PSD3: variants seen among roughly 807,000 people sequenced by gnomAD.
The protein encoded by PSD3 is pleckstrin and Sec7 domain containing 3.
Under a neutral mutation model 105.5 loss-of-function variants are expected in PSD3, and 49 were observed. The observed-to-expected ratio is 0.46, with a 90% CI of 0.37 to 0.59. The LOEUF (loss-of-function observed/expected upper bound fraction) is 0.59, where lower values mean the gene tolerates loss of function less well. Among genes scored for constraint, PSD3 ranks in the 20% least tolerant of loss-of-function variants. PSD3 has a pLI of 0.00. For synonymous variants in PSD3, 557 were observed against 457.8 expected (o/e 1.22, Z -2.77); for missense variants, 1,561 against 1,263.8 (o/e 1.24, Z -3.57).
chr8:18,808,957 G>C, intron 4 of PSD3: 1 of 1,426,788 alleles, frequency 7.0e-7, no homozygotes, highest in Non-Finnish European at 9.2e-7. Context: ...CATTGTTGCG[G>C]TTTCTGTAAT....
intron 2 of PSD3, among the ~76,000 whole-genome samples, chr8:18,882,285 C>G (rs1031280866): frequency 6.6e-6 from 1 of 152,146 alleles, no homozygotes; most frequent in African/African-American, 2.4e-5. Context: ...AAGCAAAACA[C>G]TATATGTTAG....
intron 12 of PSD3, among the ~76,000 whole-genome samples, chr8:18,596,301 G>T (rs955392528): frequency 6.6e-6 from 1 of 151,928 alleles, no homozygotes; most frequent in African/African-American, 2.4e-5. Context: ...CATTAGAAAA[G>T]AAGAAAGATT....
In PSD3 at chr8:18,683,724, G is replaced by A. The variant is rs567258184; in HGVS notation, c.2173-28039C>T. On this transcript the variant is annotated intron_variant, in intron 9 of 15. Transcript: ENST00000327040. ...ACACTGCCAAAGACTATCCAATTCT[G>A]TTGCCCTGCCACACAGCTGTCAATA... 142 of 750,972 alleles carry A rather than the reference G, an allele frequency of 1.9e-4. No individual in the cohort carries two copies. The East Asian group carries it at 3.4e-3, about 18-fold the overall frequency. 46.5% of individuals were successfully genotyped at this position (750,972 alleles called of 1,614,324 possible). A position where few individuals can be genotyped will look rare whatever the true frequency, so the allele number is the denominator to read the frequency against.
chr8:18,638,474 T>C (rs1190987150), intron 10 of PSD3, among the ~76,000 whole-genome samples: 5 of 151,616 alleles, frequency 3.3e-5, no homozygotes. Flanking sequence ...AAAAAATGAG[T>C]AGCATTTTTG....
intron 4 of PSD3, among the ~76,000 whole-genome samples, chr8:18,848,128 A>G (rs1189700167): frequency 8.9e-6 from 1 of 112,096 alleles, no homozygotes; most frequent in Non-Finnish European, 1.9e-5. Context: ...AGCTTTCGAG[A>G]GTTAAAAAAA....
chr8:18,601,051 G>C (rs1375675065), intron 11 of PSD3, among the ~76,000 whole-genome samples: 1 of 152,138 alleles, frequency 6.6e-6, no homozygotes, highest in Non-Finnish European at 1.5e-5. Flanking sequence ...TGTATGACTT[G>C]ACAGGAGGTA....
intron 1 of PSD3, among the ~76,000 whole-genome samples, chr8:19,029,102 TA>T (rs1405563285): frequency 6.6e-6 from 1 of 152,218 alleles, no homozygotes. Flanking sequence ...GTAAGTATTC[TA>T]AATTTGTTCT....
At chr8:19,059,962 T>C (rs1203243995) in intron 1 of PSD3, among the ~76,000 whole-genome samples, 1 of 152,212 alleles carries the variant, frequency 6.6e-6, no homozygotes, top group African/African-American at 2.4e-5. Context: ...AATCAATGGA[T>C]GAGCAAGCCT....
intron 14 of PSD3, among the ~76,000 whole-genome samples, chr8:18,561,592 G>C (rs193299228): frequency 2.6e-5 from 4 of 152,084 alleles, no homozygotes; most frequent in Admixed American, 2.0e-4. Flanking sequence ...CTTGCTCAAA[G>C]AATAGAATTT....
chr8:18,827,601 G>C (rs1050367873), intron 4 of PSD3, among the ~76,000 whole-genome samples: 3 of 152,188 alleles, frequency 2.0e-5, no homozygotes, highest in Non-Finnish European at 4.4e-5. Flanking sequence ...AGCAGTATCT[G>C]GCAAGTAAGT....
At chr8:18,772,157 T>A (rs1807599569) in intron 8 of PSD3, among the ~76,000 whole-genome samples, 1 of 152,190 alleles carries the variant, frequency 6.6e-6, no homozygotes, top group Admixed American at 6.5e-5. Context: ...TGCTTCTACT[T>A]CTTGGTTAAT....
chr8:19,009,752 G>A (rs1321495973), intron 1 of PSD3, among the ~76,000 whole-genome samples: 4 of 152,194 alleles, frequency 2.6e-5, no homozygotes, highest in South Asian at 2.1e-4. Flanking sequence ...TAAGCTGGGC[G>A]CAGTGGCGTG....
At chr8:18,705,484 C>T (rs571685206) in intron 9 of PSD3, among the ~76,000 whole-genome samples, 2 of 137,404 alleles carry the variant, frequency 1.5e-5, no homozygotes, top group Admixed American at 1.6e-4. Flanking sequence ...TGAGCTGAGA[C>T]CGTGCCACTA....
At chr8:18,947,482 G>C (rs1451909872) in intron 1 of PSD3, among the ~76,000 whole-genome samples, 1 of 152,140 alleles carries the variant, frequency 6.6e-6, no homozygotes, top group Non-Finnish European at 1.5e-5. Context: ...CAGTGTGAAA[G>C]ACGCTCCCCT....
At chr8:18,899,030 T>C (rs1159145827) in intron 2 of PSD3, among the ~76,000 whole-genome samples, 1 of 152,168 alleles carries the variant, frequency 6.6e-6, no homozygotes, top group African/African-American at 2.4e-5. Context: ...GCCCATATGA[T>C]AGAAGGGTCA....
chr8:18,666,695 G>C (rs1005327943), intron 9 of PSD3, among the ~76,000 whole-genome samples: 1 of 149,638 alleles, frequency 6.7e-6, no homozygotes, highest in Admixed American at 7.0e-5. Flanking sequence ...TCAACCAAGT[G>C]GGAATGTAGC....
At chr8:18,608,598 T>C (rs910574780) in intron 11 of PSD3, among the ~76,000 whole-genome samples, 1 of 152,220 alleles carries the variant, frequency 6.6e-6, no homozygotes, top group African/African-American at 2.4e-5. Flanking sequence ...AAATATAAAG[T>C]ACAGTGAATA....
At chr8:18,966,451 A>T (rs1331972343) in intron 1 of PSD3, among the ~76,000 whole-genome samples, 4 of 152,010 alleles carry the variant, frequency 2.6e-5, no homozygotes, top group Admixed American at 1.3e-4. Context: ...CACGCCTGTA[A>T]TCCCAACTAC....
intron 1 of PSD3, among the ~76,000 whole-genome samples, chr8:19,058,345 CA>C (rs1828778702): frequency 6.6e-6 from 1 of 150,978 alleles, no homozygotes. Flanking sequence ...GGTGATATAA[CA>C]GTTCTGTTTC....
Sources: allele counts gnomAD v4.1 joint callset (sites outside exome capture counted in the v4.1 genomes callset), GRCh38; gene constraint gnomAD v4.1.1; transcripts MANE v1.5; gene names NCBI Gene and HGNC (gene_info 2026-07-23, HGNC 2026-07-21).